Variants in TRIM5 observed in about 807,000 individuals in gnomAD.
The protein encoded by TRIM5 is tripartite motif containing 5.
In TRIM5, 31 loss-of-function variants were observed where a neutral mutation model predicts 35.6. That is an observed-to-expected ratio of 0.87 (90% CI 0.65 to 1.18). TRIM5 has a LOEUF of 1.18. Ranked by LOEUF, TRIM5 falls within the 50% of genes most tolerant of loss-of-function variation. TRIM5 has a pLI of 0.00. For missense variants in TRIM5, 609 were observed against 591.6 expected, an observed-to-expected ratio of 1.03 and a Z score of -0.31; for synonymous variants, 243 against 215.6, an observed-to-expected ratio of 1.13 and a Z score of -1.11.
At chr11:5,675,672 T>C (rs1851906241) in intron 4 of TRIM5, among the ~76,000 whole-genome samples, 1 of 151,928 alleles carries the variant, frequency 6.6e-6, no homozygotes, top group Non-Finnish European at 1.5e-5. Flanking sequence ...CTTTTTTTTT[T>C]TTTTTCTTCT....
chr11:5,643,125 A>ATATATATAGATT, the TRIM5 span: 1 of 974,266 alleles, frequency 1.0e-6, no homozygotes, highest in Non-Finnish European at 1.3e-6. Context: ...ATATATATAT[A>ATATATATAGATT]TTTTTTTTTT....
downstream of TRIM5, among the ~76,000 whole-genome samples, chr11:5,661,969 T>C (rs1056060534): frequency 2.0e-5 from 3 of 152,220 alleles, no homozygotes; most frequent in Admixed American, 6.5e-5. Flanking sequence ...TTAATGTCCC[T>C]GGAGAGTCAC....
chr11:5,606,941 C>T, the TRIM5 span, among the ~76,000 whole-genome samples: 8 of 152,196 alleles, frequency 5.3e-5, no homozygotes, highest in South Asian at 2.1e-4. Context: ...CGGTGGCTCA[C>T]GCCTGTAATC....
the TRIM5 span, chr11:5,604,699 G>A: frequency 2.0e-6 from 3 of 1,521,486 alleles, no homozygotes; most frequent in Non-Finnish European, 2.7e-6. Flanking sequence ...TGAGGGCAAA[G>A]GAGTCCTTGT....
At chr11:5,671,087 A>G (rs887578674) in intron 4 of TRIM5, among the ~76,000 whole-genome samples, 4 of 152,084 alleles carry the variant, frequency 2.6e-5, no homozygotes, top group African/African-American at 9.7e-5. Context: ...TTAGGTGAGC[A>G]TGGTAGTGCG....
the TRIM5 span, chr11:5,610,297 G>T: frequency 1.2e-6 from 2 of 1,611,780 alleles, no homozygotes; most frequent in Non-Finnish European, 1.7e-6. Flanking sequence ...GTCGTGGGAA[G>T]AAATAAACGG....
the TRIM5 span, chr11:5,608,526 T>C: frequency 1.4e-6 from 2 of 1,393,768 alleles, no homozygotes; most frequent in African/African-American, 1.4e-5. Context: ...GCGCATCACA[T>C]GGAGTTTTGG....
intron 4 of TRIM5, among the ~76,000 whole-genome samples, chr11:5,675,634 C>T (rs530724875): frequency 6.6e-6 from 1 of 151,642 alleles, no homozygotes; most frequent in East Asian, 1.9e-4. Context: ...TGAAGGATGC[C>T]CCTGGGGGTG....
chr11:5,604,643 T>C, the TRIM5 span: 1 of 1,608,232 alleles, frequency 6.2e-7, no homozygotes, highest in Non-Finnish European at 8.5e-7. Flanking sequence ...AGGGAGACTT[T>C]TTCTGAAGAT....
At chr11:5,674,303 C>G (rs532805216) in intron 4 of TRIM5, among the ~76,000 whole-genome samples, 1 of 152,120 alleles carries the variant, frequency 6.6e-6, no homozygotes, top group Non-Finnish European at 1.5e-5. Context: ...TTTAAACAAC[C>G]ATCCAAGAAC....
At chr11:5,661,429 A>T (rs1309330352), downstream of TRIM5, among the ~76,000 whole-genome samples, 1 of 151,844 alleles carries the variant, frequency 6.6e-6, no homozygotes, top group Non-Finnish European at 1.5e-5. Context: ...TTGTCCTCCC[A>T]CTGGTTTCTG....
At chr11:5,636,917 T>C in the TRIM5 span, among the ~76,000 whole-genome samples, 1 of 152,094 alleles carries the variant, frequency 6.6e-6, no homozygotes, top group Non-Finnish European at 1.5e-5. Context: ...GAGGCCGAGG[T>C]GGGTGGATCA....
the TRIM5 span, among the ~76,000 whole-genome samples, chr11:5,654,497 A>T: frequency 1.3e-5 from 2 of 152,162 alleles, no homozygotes; most frequent in African/African-American, 2.4e-5. Flanking sequence ...TTTGCTGGGG[A>T]TGTCAGGCAG....
chr11:5,657,568 ATT>A, the TRIM5 span, among the ~76,000 whole-genome samples: 1 of 102,548 alleles, frequency 9.8e-6, no homozygotes, highest in Non-Finnish European at 1.8e-5. Flanking sequence ...TATATATATT[ATT>A]TATATATTAT....
the TRIM5 span, among the ~76,000 whole-genome samples, chr11:5,615,577 G>GT: frequency 0.1 from 11,291 of 109,316 alleles, 536 homozygotes; most frequent in South Asian, 0.17. Flanking sequence ...CTTGTTTTTT[G>GT]TTTTTTTTTT....
chr11:5,631,562 G>A, the TRIM5 span, among the ~76,000 whole-genome samples: 1,014 of 152,308 alleles, frequency 6.7e-3, 22 homozygotes, highest in East Asian at 0.032. Flanking sequence ...GGTCATTGCT[G>A]TTTCTGTCGG....
chr11:5,609,796 G>A, the TRIM5 span, among the ~76,000 whole-genome samples: 124 of 152,188 alleles, frequency 8.1e-4, 1 homozygote, highest in African/African-American at 2.8e-3. Context: ...GGTGGCACGC[G>A]CCTGTAGTCC....
chr11:5,656,605 C>T, the TRIM5 span, among the ~76,000 whole-genome samples: 3 of 152,090 alleles, frequency 2.0e-5, no homozygotes, highest in African/African-American at 4.8e-5. Flanking sequence ...CCGCCCACCT[C>T]GGCCTCCCAA....
the TRIM5 span, among the ~76,000 whole-genome samples, chr11:5,655,491 A>G: frequency 6.6e-6 from 1 of 152,232 alleles, no homozygotes; most frequent in Non-Finnish European, 1.5e-5. Context: ...GTAGGTAAAA[A>G]GGATTTTATA....
Sources: allele counts gnomAD v4.1 joint callset (sites outside exome capture counted in the v4.1 genomes callset), GRCh38; gene constraint gnomAD v4.1.1; transcripts MANE v1.5; gene names NCBI Gene and HGNC (gene_info 2026-07-23, HGNC 2026-07-21).